SETBP1: variants seen among roughly 807,000 people sequenced by gnomAD.
SETBP1 encodes the protein SET binding protein 1.
Under a neutral mutation model 101.0 loss-of-function variants are expected in SETBP1, and 9 were observed. That is an observed-to-expected ratio of 0.09 (90% confidence interval 0.05 to 0.16). The LOEUF is 0.16. Among genes scored for constraint, SETBP1 ranks in the 10% least tolerant of loss-of-function variants. SETBP1 has a pLI of 1.00. For synonymous variants in SETBP1, 818 were observed against 788.5 expected, an observed-to-expected ratio of 1.04 and a Z score of -0.63; for missense variants, 1,858 against 2,033.8, an observed-to-expected ratio of 0.91 and a Z score of 1.66.
intron 5 of SETBP1, among the ~76,000 whole-genome samples, chr18:45,040,404 C>A (rs2145502463): frequency 6.6e-6 from 1 of 152,244 alleles, no homozygotes; most frequent in East Asian, 1.9e-4. Context: ...GGTGCTGTGG[C>A]TGACTTCAAA....
At chr18:44,717,700 C>T (rs2069496267) in intron 2 of SETBP1, among the ~76,000 whole-genome samples, 1 of 152,200 alleles carries the variant, frequency 6.6e-6, no homozygotes, top group Non-Finnish European at 1.5e-5. Context: ...AAAAGCTGTT[C>T]TTAAACACAC....
At chr18:44,943,655 AC>A in intron 3 of SETBP1, among the ~76,000 whole-genome samples, 1 of 151,936 alleles carries the variant, frequency 6.6e-6, no homozygotes, top group Admixed American at 6.6e-5. Context: ...AGAGTTGGGA[AC>A]CTTTAATCTA....
At chr18:44,810,385 A>G (rs1037190652) in intron 2 of SETBP1, among the ~76,000 whole-genome samples, 1 of 152,226 alleles carries the variant, frequency 6.6e-6, no homozygotes, top group Admixed American at 6.5e-5. Context: ...AACACAATGA[A>G]AAGTGCTCTA....
chr18:44,804,191 G>A (rs2071676647), intron 2 of SETBP1, among the ~76,000 whole-genome samples: 1 of 152,106 alleles, frequency 6.6e-6, no homozygotes, highest in Non-Finnish European at 1.5e-5. Context: ...TCTTAAAGTG[G>A]AGGATATAGT....
At chr18:45,016,500 C>T (rs750990546) in intron 4 of SETBP1, among the ~76,000 whole-genome samples, 1 of 152,172 alleles carries the variant, frequency 6.6e-6, no homozygotes, top group Non-Finnish European at 1.5e-5. Flanking sequence ...GTTCTCTCTC[C>T]GCCACGGCTT....
intron 2 of SETBP1, among the ~76,000 whole-genome samples, chr18:44,866,174 C>G (rs2069124576): frequency 6.6e-6 from 1 of 152,228 alleles, no homozygotes; most frequent in Non-Finnish European, 1.5e-5. Context: ...TGAAACACCA[C>G]CCAATATTCT....
intron 4 of SETBP1, among the ~76,000 whole-genome samples, chr18:44,985,179 T>A (rs1599411183): frequency 6.6e-6 from 1 of 152,242 alleles, no homozygotes; most frequent in African/African-American, 2.4e-5. Flanking sequence ...GTGTAAGAGA[T>A]CTGTCTACAT....
rs891697682 is a variant in SETBP1 at position 45,065,065 on chromosome 18, G to C, written c.*1367G>C. 4.6e-5 allele frequency: 7 copies of C among 152,200 alleles called. No homozygotes were observed. The highest frequency in any genetic ancestry group is 1.3e-4 in the Admixed American group (2 of 15,276). 9.4% of individuals were successfully genotyped at this position (152,200 alleles called of 1,614,324 possible). A position where few individuals can be genotyped will look rare whatever the true frequency, so the allele number is the denominator to read the frequency against. The stretch of plus-strand genomic sequence containing the variant: ...CAGTCTGCATGGATGCAAACTGTGT[G>C]TGACAAATCGTCTTTTAAATGGTCA... On this transcript the variant is annotated 3_prime_UTR_variant, in exon 6 of 6. Coordinates refer to ENST00000649279, the MANE Select transcript of SETBP1 (RefSeq NM_015559.3).
intron 3 of SETBP1, among the ~76,000 whole-genome samples, chr18:44,885,879 T>TA (rs1366402413): frequency 8.5e-5 from 9 of 106,442 alleles, no homozygotes; most frequent in African/African-American, 3.1e-4. Flanking sequence ...CAAGGTGACT[T>TA]ACCCTGTGAG....
intron 4 of SETBP1, among the ~76,000 whole-genome samples, chr18:44,998,603 C>G (rs547675882): frequency 6.6e-6 from 1 of 152,338 alleles, no homozygotes; most frequent in African/African-American, 2.4e-5. Flanking sequence ...AGATAGCGCT[C>G]TAGGCCGCAA....
At chr18:44,861,723 A>G (rs1300284582) in intron 2 of SETBP1, among the ~76,000 whole-genome samples, 1 of 152,204 alleles carries the variant, frequency 6.6e-6, no homozygotes, top group Non-Finnish European at 1.5e-5. Flanking sequence ...TTTGACTGAA[A>G]TGATTAATAA....
At chr18:44,898,215 A>G (rs992296720) in intron 3 of SETBP1, among the ~76,000 whole-genome samples, 3 of 152,180 alleles carry the variant, frequency 2.0e-5, no homozygotes, top group Non-Finnish European at 4.4e-5. Flanking sequence ...ACTTGATTCT[A>G]TATATTTATA....
intron 1 of SETBP1, among the ~76,000 whole-genome samples, chr18:44,693,710 T>C (rs2068970636): frequency 6.6e-6 from 1 of 152,222 alleles, no homozygotes; most frequent in Non-Finnish European, 1.5e-5. Context: ...CCAATGAGTC[T>C]AGGTTGAAAA....
In SETBP1 at chr18:44,952,934, G is replaced by A. The variant is rs200032059; in HGVS notation, c.3594G>A (p.Pro1198=). ...TGAGTAGCGCAGACAAAGAGCTCCC[G>A]CTGGTGAGTGAGAAGAACAAGCATA... ...ERLSSADKEL[P]LVSEKNKHKE... The change falls in exon 4 of 6, where the codon CCG becomes CCA. Residue 1198 remains proline, a synonymous_variant. Transcript: ENST00000649279. The A allele has an allele frequency of 4.0e-5, 64 of 1,614,138 alleles. No individual in the cohort carries two copies. The highest frequency in any genetic ancestry group is 1.6e-4 in the Middle Eastern group (1 of 6,062).
At position 45,063,749 on chromosome 18, in the gene SETBP1, G is replaced by A; in HGVS notation, c.*51G>A. 1.3e-6 allele frequency: 2 copies of A among 1,567,172 alleles called. No individual in the cohort carries two copies. The highest frequency in any genetic ancestry group is 1.7e-6 in the Non-Finnish European group (2 of 1,156,114). On this transcript the variant is annotated 3_prime_UTR_variant, in exon 6 of 6. Coordinates refer to ENST00000649279, the MANE Select transcript of SETBP1 (RefSeq NM_015559.3). ...GGCCTAGGGAACTGACACGTGGGAAGCGCAGTGAGCCGGGGCGGGGGCGGA... is the reference window on the plus strand; with the variant it reads ...GGCCTAGGGAACTGACACGTGGGAAACGCAGTGAGCCGGGGCGGGGGCGGA...
intron 1 of SETBP1, among the ~76,000 whole-genome samples, chr18:44,688,042 G>A (rs959255352): frequency 5.3e-5 from 8 of 152,310 alleles, no homozygotes; most frequent in Middle Eastern, 3.4e-3. Context: ...CTAAGGTGCT[G>A]TAAAAGTTCT....
chr18:44,983,037 A>G (rs2072150292), intron 4 of SETBP1, among the ~76,000 whole-genome samples: 1 of 152,130 alleles, frequency 6.6e-6, no homozygotes, highest in Non-Finnish European at 1.5e-5. Context: ...ACCCCTGTCT[A>G]ATATTTCCTG....
intron 5 of SETBP1, among the ~76,000 whole-genome samples, chr18:45,054,123 C>G (rs556437918): frequency 2.6e-5 from 4 of 152,206 alleles, no homozygotes; most frequent in African/African-American, 9.6e-5. Context: ...TAAATGCCCT[C>G]GTATTTCTCA....
chr18:45,008,095 A>G (rs996914281), intron 4 of SETBP1, among the ~76,000 whole-genome samples: 3 of 152,172 alleles, frequency 2.0e-5, no homozygotes, highest in Non-Finnish European at 4.4e-5. Flanking sequence ...TGCTAATGCA[A>G]TGAGGGTTCA....
Sources: allele counts gnomAD v4.1 joint callset (sites outside exome capture counted in the v4.1 genomes callset), GRCh38; gene constraint gnomAD v4.1.1; transcripts MANE v1.5; gene names NCBI Gene and HGNC (gene_info 2026-07-23, HGNC 2026-07-21).